Variants in MDC1 observed in about 807,000 individuals in gnomAD.
MDC1 encodes mediator of DNA damage checkpoint protein 1.
In MDC1, 81 loss-of-function variants were observed where a neutral mutation model predicts 142.5. The ratio of observed to expected loss-of-function variants is 0.57; its 90% CI spans 0.47 to 0.68. The LOEUF is 0.68. MDC1 is among the 30% of genes least tolerant of loss of function. The pLI, the probability that MDC1 is intolerant of heterozygous loss-of-function variation, is 0.00. For missense variants in MDC1, 2,119 were observed against 2,547.9 expected (o/e 0.83, Z 3.62); for synonymous variants, 797 against 968.4 (o/e 0.82, Z 3.29).
At position 30,705,406 on chromosome 6, in the gene MDC1, A is replaced by T. The variant is rs766496491; in HGVS notation, c.3777T>A (p.Pro1259=). 1.4e-5 allele frequency: 22 copies of T among 1,599,296 alleles called. No homozygotes were observed. Among genetic ancestry groups the T allele is most frequent in the Non-Finnish European group, 1.9e-5 (22 of 1,174,516 alleles). The change falls in exon 10 of 15, where the codon CCT becomes CCA. Residue 1259 remains proline (P), a synonymous_variant. Coordinates refer to ENST00000376406, the MANE Select transcript of MDC1 (RefSeq NM_014641.3). ...ELQPSTSTDQ[P]VTSEPTYQAT... Reference sequence around the variant, plus strand: ...CCTGATATGTGGGCTCAGAAGTGACAGGCTGGTCTGTGGAGGTGGAAGGCT... The same window carrying T: ...CCTGATATGTGGGCTCAGAAGTGACTGGCTGGTCTGTGGAGGTGGAAGGCT...
rs761503657 is a variant in MDC1 at position 30,707,665 on chromosome 6, C to T, written c.2914G>A (p.Gly972Arg). The change falls in exon 8 of 15, where the codon GGG (glycine) becomes AGG (arginine). Residue 972 changes from glycine to arginine, a missense_variant. Physicochemically the swap from Gly to Arg is moderately radical, Grantham distance 125. Coordinates refer to ENST00000376406, the MANE Select transcript of MDC1 (RefSeq NM_014641.3). ...GTAGGTCCCGGAAGGTCCCCCGCCC[C>T]CACCCCAGGCTCTGGTGTTGGGCTG... ...ASSPTPEPGV[G>R]AGDLPGPTSA... 5.6e-6 allele frequency: 9 copies of T among 1,613,076 alleles called. No homozygotes were observed. Among genetic ancestry groups the T allele is most frequent in the Non-Finnish European group, 7.6e-6 (9 of 1,180,032 alleles).
intron 14 of MDC1, among the ~76,000 whole-genome samples, chr6:30,702,200 T>C (rs139829939): frequency 0.019 from 2,764 of 142,524 alleles, 40 homozygotes; most frequent in South Asian, 0.063. Context: ...GAGGCGGAGA[T>C]TGTAGTGAGC....
At chr6:30,707,221 C>T (rs1006745411) in intron 9 of MDC1, among the ~76,000 whole-genome samples, 163 bp downstream of exon 9, 2 of 152,012 alleles carry the variant, frequency 1.3e-5, no homozygotes, top group Non-Finnish European at 2.9e-5. Context: ...TGGAAAACAA[C>T]GGGTGCCGAG....
chr6:30,712,876 C>G lies in MDC1; in HGVS notation c.1066G>C (p.Val356Leu), dbSNP rs199996999. ...PMKKRKIFHGVGTRGPGAPGL... is the reference protein window; with the variant it reads ...PMKKRKIFHGLGTRGPGAPGL... ...GGTGCTCCAGGACCCCTTGTACCTA[C>G]TCCATGGAAGATCTTCCTCTTCTTC... The change falls in exon 5 of 15, where the codon GTA (valine) becomes CTA (leucine). Residue 356 changes from valine to leucine, a missense_variant. Coordinates refer to ENST00000376406, the MANE Select transcript of MDC1 (RefSeq NM_014641.3). The surrounding 1 kb of genome is among the most constrained non-coding windows in gnomAD (Gnocchi z 4.7). 13 of 1,612,982 alleles carry G rather than the reference C, an allele frequency of 8.1e-6. No homozygotes were observed. The highest frequency in any genetic ancestry group is 1.1e-5 in the Non-Finnish European group (13 of 1,180,054).
intron 6 of MDC1, 25 bp from the exon 7 acceptor site, chr6:30,711,529 T>C: frequency 1.2e-6 from 2 of 1,607,386 alleles, no homozygotes; most frequent in Non-Finnish European, 1.7e-6. Context: ...ATGGCCTAAG[T>C]TCATCTCCTC....
Position 30,703,336 on chromosome 6 carries a change from C to A in MDC1, c.5683-50G>T, listed in dbSNP as rs1254015353. The A allele has an allele frequency of 6.2e-7, 1 of 1,610,702 alleles. No homozygotes were observed. The highest frequency in any genetic ancestry group is 8.5e-7 in the Non-Finnish European group (1 of 1,178,138). On this transcript the variant is annotated intron_variant, in intron 11 of 14. Coordinates refer to ENST00000376406, the MANE Select transcript of MDC1 (RefSeq NM_014641.3). The surrounding 1 kb of genome is among the most constrained non-coding windows in gnomAD (Gnocchi z 4.4). The stretch of plus-strand genomic sequence containing the variant: ...GTTACGGCAACCCATGCCATCAGCA[C>A]CCATCTCTACAATCCTCTAGGTCTC...
rs750152324 is a variant in MDC1 at position 30,713,945 on chromosome 6, G to T, written c.375C>A (p.Asp125Glu). 1 of 1,613,176 alleles carries T rather than the reference G, an allele frequency of 6.2e-7. No homozygotes were observed. Among genetic ancestry groups the T allele is most frequent in the South Asian group, 1.1e-5 (1 of 91,074 alleles). The change falls in exon 3 of 15, where the codon GAC becomes GAA. Residue 125 changes from aspartate (D) to glutamate (E), a missense_variant. Coordinates refer to ENST00000376406, the MANE Select transcript of MDC1 (RefSeq NM_014641.3). This position sits in a 1 kb window ranked among gnomAD's most constrained non-coding sequence, Gnocchi z 4.9. ...CCAGGCGATGGTACTGGCAGAGCAAGTCAGCAAAGAGAATCAATTCCTGGT... is the reference window on the plus strand; with the variant it reads ...CCAGGCGATGGTACTGGCAGAGCAATTCAGCAAAGAGAATCAATTCCTGGT... ...LRDQELILFA[D>E]LLCQYHRLDV...
chr6:30,713,739 G>C lies in MDC1; in HGVS notation c.518-22C>G, dbSNP rs773672120. 3 of 1,614,006 alleles carry C rather than the reference G, an allele frequency of 1.9e-6. No individual in the cohort carries two copies. Among genetic ancestry groups the C allele is most frequent in the Non-Finnish European group, 2.5e-6 (3 of 1,179,906 alleles). The stretch of plus-strand genomic sequence containing the variant: ...AAATCTGTCAAGAACAGAAAGGAAT[G>C]AGTTGACAATTGTACACTCATTATT... On this transcript the variant is annotated intron_variant, in intron 3 of 14. Transcript: ENST00000376406. The surrounding 1 kb of genome is among the most constrained non-coding windows in gnomAD (Gnocchi z 4.9).
chr6:30,711,320 G>A (rs745375471), intron 7 of MDC1, 92 bp downstream of exon 7: 71 of 1,166,610 alleles, frequency 6.1e-5, no homozygotes, highest in Non-Finnish European at 7.9e-5. Context: ...ACAGTGAGCC[G>A]AGACTGCACC....
chr6:30,713,054 T>G lies in MDC1; in HGVS notation c.888A>C (p.Gly296=). 1 of 1,612,980 alleles carries G rather than the reference T, an allele frequency of 6.2e-7. No individual in the cohort carries two copies. Among genetic ancestry groups the G allele is most frequent in the Non-Finnish European group, 8.5e-7 (1 of 1,179,954 alleles). ...GVILERSQPP[G]EDSDTDVDDD... is the part of the protein sequence containing the mutation. The stretch of plus-strand genomic sequence containing the variant: ...CATCCACATCTGTGTCACTGTCCTC[T>G]CCAGGAGGTTGGCTCCTCTCCAGAA... The change falls in exon 5 of 15, where the codon GGA becomes GGC. Residue 296 remains glycine, a synonymous_variant. Transcript: ENST00000376406. The surrounding 1 kb of genome is among the most constrained non-coding windows in gnomAD (Gnocchi z 4.9).
rs148964299 is a variant in MDC1, at chr6:30,715,597, C to T, written c.-3-419G>A. On this transcript the variant is annotated intron_variant, in intron 1 of 14. Coordinates refer to ENST00000376406, the MANE Select transcript of MDC1 (RefSeq NM_014641.3). This position sits in a 1 kb window ranked among gnomAD's most constrained non-coding sequence, Gnocchi z 4.1. ...TGGGTGATCCGCCCACCTTGGCCTC[C>T]CAAAGTGCTGGGATTACAGGCGTGA... 0.011 allele frequency among the ~76,000 whole-genome samples: 1,748 copies of T among 152,316 alleles called. 19 individuals are homozygous for T. The highest frequency in any genetic ancestry group is 0.02 in the Non-Finnish European group (1,381 of 68,026).
Position 30,707,761 on chromosome 6 carries a change from C to A in MDC1, c.2818G>T (p.Val940Leu). 6.2e-7 allele frequency: 1 copy of A among 1,613,120 alleles called. No individual in the cohort carries two copies. The highest frequency in any genetic ancestry group is 2.2e-5 in the East Asian group (1 of 44,870). The change falls in exon 8 of 15, where the codon GTG becomes TTG. Residue 940 changes from valine to leucine, a missense_variant. Transcript: ENST00000376406. Reference protein sequence around the residue: ...PAELEEKVPKVILERDTQRGE... With the variant: ...PAELEEKVPKLILERDTQRGE... ...CTCTGTGTATCTCTCTCCAGGATCACTTTGGGCACCTTCTCTTCTAACTCG... is the reference window on the plus strand; with the variant it reads ...CTCTGTGTATCTCTCTCCAGGATCAATTTGGGCACCTTCTCTTCTAACTCG...
rs747754517 is a variant in MDC1 at position 30,712,448 on chromosome 6, ACT to A, written c.1492_1493del (p.Ser498CysfsTer5). On this transcript the variant is annotated frameshift_variant, in exon 5 of 15. Transcript: ENST00000376406. LOFTEE classifies it high-confidence loss of function. This position sits in a 1 kb window ranked among gnomAD's most constrained non-coding sequence, Gnocchi z 4.7. ...CAGGTGAGCTCTTATCTGCTTCCAC[ACT>A]GTCATCACTGTCCCCAAAAGGAGGT... Reference protein sequence around the residue: ...DQPPFGDSDDSVEADKSSPGI... With the variant: ...DQPPFGDSDDXVEADKSSPGI... 5 of 1,612,852 alleles carry A rather than the reference ACT, an allele frequency of 3.1e-6. No homozygotes were observed. In the Admixed American group the frequency reaches 6.7e-5, roughly 22 times the overall value.
chr6:30,715,043 T>C lies in MDC1; in HGVS notation c.133A>G (p.Lys45Glu), dbSNP rs1775470100. 2.5e-6 allele frequency: 4 copies of C among 1,614,146 alleles called. No homozygotes were observed. Among genetic ancestry groups the C allele is most frequent in the Non-Finnish European group, 2.5e-6 (3 of 1,180,022 alleles). Residue 45 changes from lysine to glutamate, a missense_variant, in exon 2 of 15, where the codon AAA becomes GAA. By Grantham distance (56) the Lys-to-Glu change is moderately conservative. Transcript: ENST00000376406. The surrounding 1 kb of genome is among the most constrained non-coding windows in gnomAD (Gnocchi z 4.1). ...TGAACATCCAATACCCTCTGACCTTTTTCTGGTCCATGGGCACCACTAAAG... is the reference window on the plus strand; with the variant it reads ...TGAACATCCAATACCCTCTGACCTTCTTCTGGTCCATGGGCACCACTAAAG... ...HIFSGAHGPEKDFPLHLGKNV... is the reference protein window; with the variant it reads ...HIFSGAHGPEEDFPLHLGKNV...
intron 2 of MDC1, 69 bp from the exon 3 acceptor site, chr6:30,714,252 T>C: frequency 6.8e-7 from 1 of 1,468,420 alleles, no homozygotes; most frequent in Non-Finnish European, 9.1e-7. Context: ...AAAGTGCCTA[T>C]TAGGTACTCT....
At position 30,716,447 on chromosome 6, in the gene MDC1, G is replaced by A. The variant is rs1775681486; in HGVS notation, c.-4+798C>T. 6.6e-6 allele frequency among the ~76,000 whole-genome samples: 1 copy of A among 152,102 alleles called. No homozygotes were observed. The highest frequency in any genetic ancestry group is 1.5e-5 in the Non-Finnish European group (1 of 68,002). ...CCACGGTCTCGAGCTCCTGACCTCA[G>A]GTGATCCGCCCACCTTGGCCACCCA... On this transcript the variant is annotated intron_variant, in intron 1 of 14. Transcript: ENST00000376406. This position sits in a 1 kb window ranked among gnomAD's most constrained non-coding sequence, Gnocchi z 4.4.
At chr6:30,702,256 CAAAAAAAA>C (rs57764077) in intron 14 of MDC1, among the ~76,000 whole-genome samples, 2 of 59,142 alleles carry the variant, frequency 3.4e-5, no homozygotes, top group Non-Finnish European at 5.6e-5. Context: ...GACTCCATCT[CAAAAAAAA>C]AAAAAAAAAA....
chr6:30,716,859 A>C lies in MDC1; in HGVS notation c.-4+386T>G, dbSNP rs879612244. The C allele has an allele frequency of 2.1e-6, 2 of 973,294 alleles. No individual in the cohort carries two copies. The highest frequency in any genetic ancestry group is 1.2e-4 in the Admixed American group (2 of 16,256). 60.3% of individuals were successfully genotyped at this position (973,294 alleles called of 1,614,324 possible). A position where few individuals can be genotyped will look rare whatever the true frequency, so the allele number is the denominator to read the frequency against. The stretch of plus-strand genomic sequence containing the variant: ...ATGAAGGAACAAATGAGATGGAAAG[A>C]AAATAGCATAAATGGAATTCACCTG... On this transcript the variant is annotated intron_variant, in intron 1 of 14. Coordinates refer to ENST00000376406, the MANE Select transcript of MDC1 (RefSeq NM_014641.3). This position sits in a 1 kb window ranked among gnomAD's most constrained non-coding sequence, Gnocchi z 4.4.
rs368350625 is a variant in MDC1 at position 30,706,038 on chromosome 6, G to T, written c.3145C>A (p.Pro1049Thr). The T allele has an allele frequency of 6.2e-7, 1 of 1,602,830 alleles. No homozygotes were observed. Among genetic ancestry groups the T allele is most frequent in the African/African-American group, 1.3e-5 (1 of 74,908 alleles). The change falls in exon 10 of 15, where the codon CCC (proline) becomes ACC (threonine). Residue 1049 changes from proline to threonine, a missense_variant. Physicochemically the swap from Pro to Thr is conservative, Grantham distance 38. Coordinates refer to ENST00000376406, the MANE Select transcript of MDC1 (RefSeq NM_014641.3). ...PPTVPEAPAP[P>T]QKPLNSQSQK... ...CTCTGAGAGTTAAGGGGCTTTTGGG[G>T]TGGGGCTGGGGCTTCAGGTACTGTA...
Sources: gnomAD v4.1 joint callset for allele counts (sites outside exome capture counted in the v4.1 genomes callset) on GRCh38, gnomAD v4.1.1 for gene constraint, Gnocchi (gnomAD v3.1) non-coding constraint, MANE v1.5 for transcripts, NCBI Gene and HGNC (gene_info 2026-07-23, HGNC 2026-07-21) for gene names.